KAZN: variants seen among roughly 807,000 people sequenced by gnomAD.
KAZN encodes the protein kazrin, periplakin interacting protein.
Under a neutral mutation model 87.4 loss-of-function variants are expected in KAZN, and 40 were observed. That is an observed-to-expected ratio of 0.46 (90% CI 0.36 to 0.60). The LOEUF (loss-of-function observed/expected upper bound fraction) is 0.60. KAZN is among the 20% of genes least tolerant of loss of function. The pLI is 0.00. For missense variants in KAZN, 898 were observed against 1,073.9 expected (o/e 0.84, Z 2.29); for synonymous variants, 466 against 458.3 (o/e 1.02, Z -0.22).
At chr1:13,912,945 C>T (rs1639707429) in intron 1 of KAZN, among the ~76,000 whole-genome samples, 1 of 152,192 alleles carries the variant, frequency 6.6e-6, no homozygotes, top group African/African-American at 2.4e-5. Flanking sequence ...GGCTGTGTAG[C>T]ATAAATAAAC....
chr1:14,883,355 AAAAGAAAGAAAGAAAGAAAG>A lies in KAZN; in HGVS notation c.227-77277_227-77258del, dbSNP rs1244741160. ...GAGAGAGAGAGAGAAAGAAAGAAAG[AAAAGAAAGAAAGAAAGAAAG>A]AAAGAAAGAAAGAAAGAAAGAAAGA... On this transcript the variant is annotated intron_variant, in intron 1 of 14. Transcript: ENST00000376030. 2.6e-3 allele frequency among the ~76,000 whole-genome samples: 54 copies of A among 20,620 alleles called. 7 individuals are homozygous for A. The highest frequency in any genetic ancestry group is 4.7e-3 in the Non-Finnish European group (49 of 10,484). The allele number at this position is 20,620 out of a possible 152,430, so 13.5% of individuals were successfully genotyped here.
chr1:14,555,710 T>C (rs762673649), intron 2 of KAZN, among the ~76,000 whole-genome samples: 5 of 152,232 alleles, frequency 3.3e-5, no homozygotes, highest in Non-Finnish European at 7.3e-5. Context: ...AGCTGTAAGA[T>C]ACAGGATTCT....
intron 2 of KAZN, among the ~76,000 whole-genome samples, chr1:14,508,200 A>G (rs965762256): frequency 6.6e-6 from 1 of 152,122 alleles, no homozygotes; most frequent in African/African-American, 2.4e-5. Context: ...AAGAGAGCCT[A>G]GGTATGTTCG....
At chr1:14,707,413 A>C (rs1642266458) in intron 1 of KAZN, among the ~76,000 whole-genome samples, 1 of 152,184 alleles carries the variant, frequency 6.6e-6, no homozygotes, top group African/African-American at 2.4e-5. Context: ...AAGTGTGGGA[A>C]ACCACTGTCC....
intron 2 of KAZN, among the ~76,000 whole-genome samples, chr1:15,018,182 T>C (rs926972992): frequency 6.6e-6 from 1 of 152,186 alleles, no homozygotes; most frequent in African/African-American, 2.4e-5. Flanking sequence ...TACTATGAGA[T>C]AGTTTATCAG....
At chr1:15,017,788 G>A (rs1290924125) in intron 2 of KAZN, among the ~76,000 whole-genome samples, 4 of 151,268 alleles carry the variant, frequency 2.6e-5, no homozygotes, top group Non-Finnish European at 5.9e-5. Flanking sequence ...TGGGCAACAA[G>A]AGCGAAACTC....
chr1:14,773,401 G>A lies in KAZN; in HGVS notation c.226+174178G>A, dbSNP rs893711949. On this transcript the variant is annotated intron_variant, in intron 1 of 14. Coordinates refer to ENST00000376030, the MANE Select transcript of KAZN (RefSeq NM_201628.3). The surrounding 1 kb of genome is among the most constrained non-coding windows in gnomAD (Gnocchi z 5.9). The stretch of plus-strand genomic sequence containing the variant: ...CTTTCAACAACGCCCTCCACTCCAC[G>A]GGGTCTCCCTTCTTGTAGCATTTTC... 3.3e-5 allele frequency among the ~76,000 whole-genome samples: 5 copies of A among 151,964 alleles called. 1 individual carries two copies. The highest frequency in any genetic ancestry group is 3.3e-4 in the Admixed American group (5 of 15,248).
At position 14,993,965 on chromosome 1, in the gene KAZN, G is replaced by T. The variant is rs16849136; in HGVS notation, c.418+33090G>T. ...GGAAGGGAGATTACGGGGACTTCTG[G>T]GTGTGTTTGTGGTTTAATGCGTCCT... On this transcript the variant is annotated intron_variant, in intron 2 of 14. Transcript: ENST00000376030. 2.0e-5 allele frequency among the ~76,000 whole-genome samples: 3 copies of T among 152,226 alleles called. No homozygotes were observed. The East Asian group carries it at 5.8e-4, about 29-fold the overall frequency.
At chr1:13,922,243 C>T (rs1640096564) in intron 1 of KAZN, among the ~76,000 whole-genome samples, 1 of 152,136 alleles carries the variant, frequency 6.6e-6, no homozygotes, top group Non-Finnish European at 1.5e-5. Context: ...CCGCCCCCAA[C>T]TCTTGTATTT....
chr1:14,568,567 TGA>T (rs1674676093), intron 2 of KAZN, among the ~76,000 whole-genome samples: 1 of 152,170 alleles, frequency 6.6e-6, no homozygotes, highest in South Asian at 2.1e-4. Flanking sequence ...TTCACTATCA[TGA>T]GAACAGCACA....
At chr1:14,386,981 C>A (rs945055151) in intron 2 of KAZN, among the ~76,000 whole-genome samples, 1 of 152,258 alleles carries the variant, frequency 6.6e-6, no homozygotes, top group South Asian at 2.1e-4. Flanking sequence ...CTTTTCACAT[C>A]GTCCCATATT....
chr1:14,223,860 TACAG>T (rs1647168333), intron 2 of KAZN, among the ~76,000 whole-genome samples: 3 of 152,164 alleles, frequency 2.0e-5, no homozygotes. Context: ...GCATGTTTGT[TACAG>T]ACAAAGCAGT....
chr1:14,532,455 TTTATTATTATTA>T (rs58279675), intron 2 of KAZN, among the ~76,000 whole-genome samples: 10 of 148,354 alleles, frequency 6.7e-5, no homozygotes, highest in South Asian at 2.2e-4. Flanking sequence ...AACATGTGTT[TTTATTATTATTA>T]TTATTATTAT....
chr1:14,131,890 A>G (rs72864024), intron 1 of KAZN, among the ~76,000 whole-genome samples: 6,249 of 151,894 alleles, frequency 0.041, 425 homozygotes, highest in African/African-American at 0.14. Context: ...ACACCACACC[A>G]ATGGCTCCCT....
intron 2 of KAZN, among the ~76,000 whole-genome samples, chr1:14,371,141 G>A (rs1441801478): frequency 6.6e-6 from 1 of 152,104 alleles, no homozygotes; most frequent in Non-Finnish European, 1.5e-5. Context: ...AACACAGCTG[G>A]GCCCCATCTC....
At chr1:13,994,541 C>G (rs1345686177) in intron 1 of KAZN, among the ~76,000 whole-genome samples, 2 of 152,178 alleles carry the variant, frequency 1.3e-5, no homozygotes, top group Non-Finnish European at 2.9e-5. Context: ...ATGCTTGGAG[C>G]TGGGCACTGT....
chr1:13,947,473 T>C (rs1346807052), intron 1 of KAZN, among the ~76,000 whole-genome samples: 1 of 152,102 alleles, frequency 6.6e-6, no homozygotes, highest in Admixed American at 6.5e-5. Flanking sequence ...GGGATTACAA[T>C]TTGAGATGAG....
intron 1 of KAZN, among the ~76,000 whole-genome samples, chr1:14,175,002 G>A (rs75842374): frequency 6.6e-5 from 10 of 152,206 alleles, no homozygotes; most frequent in Non-Finnish European, 1.2e-4. Context: ...AAGGCAGGAA[G>A]AATGTTTCTC....
intron 1 of KAZN, among the ~76,000 whole-genome samples, chr1:14,858,203 C>CTTTT (rs1388659468): frequency 5.3e-5 from 5 of 95,104 alleles, no homozygotes; most frequent in African/African-American, 2.6e-4. Flanking sequence ...TTTCTTTTTT[C>CTTTT]TTTTTCTTTT....
Sources: allele counts gnomAD v4.1 joint callset (sites outside exome capture counted in the v4.1 genomes callset), GRCh38; gene constraint gnomAD v4.1.1; non-coding constraint Gnocchi (gnomAD v3.1); transcripts MANE v1.5; gene names NCBI Gene and HGNC (gene_info 2026-07-23, HGNC 2026-07-21).